The following DCAF1 variants were observed in gnomAD, a reference collection of about 807,000 sequenced individuals.
DCAF1 encodes DDB1 and CUL4 associated factor 1.
In DCAF1, 15 loss-of-function variants were observed where a neutral mutation model predicts 128.0. The ratio of observed to expected loss-of-function variants is 0.12; its 90% CI spans 0.08 to 0.18. The LOEUF is 0.18. Ranked by LOEUF, DCAF1 falls within the 10% of genes least tolerant of loss-of-function variation. The pLI, the probability that DCAF1 is intolerant of heterozygous loss-of-function variation, is 1.00. For missense variants in DCAF1, 988 were observed against 1,649.5 expected, an observed-to-expected ratio of 0.60 and a Z score of 6.95; for synonymous variants, 610 against 603.0, an observed-to-expected ratio of 1.01 and a Z score of -0.17.
At chr3:51,403,024 T>C in intron 24 of DCAF1, 119 bp downstream of exon 24, 2 of 1,449,932 alleles carry the variant, frequency 1.4e-6, no homozygotes, top group Non-Finnish European at 1.8e-6. Flanking sequence ...ACCAGAGTAG[T>C]GAATCAAATT....
At chr3:51,418,974 T>C (rs782128017) in intron 15 of DCAF1, 98 bp from the exon 16 acceptor site, 17 of 1,420,668 alleles carry the variant, frequency 1.2e-5, no homozygotes, top group Non-Finnish European at 1.6e-5. Context: ...ACATTAATGT[T>C]TCAAATGGCT....
intron 6 of DCAF1, among the ~76,000 whole-genome samples, chr3:51,459,150 T>C (rs1703260288): frequency 6.6e-6 from 1 of 151,946 alleles, no homozygotes; most frequent in South Asian, 2.1e-4. Context: ...TCAACAAAAT[T>C]GATAGACCGC....
chr3:51,398,666 TA>T lies in DCAF1; in HGVS notation c.*102del. The T allele has an allele frequency of 6.8e-7, 1 of 1,478,678 alleles. No individual in the cohort carries two copies. The highest frequency in any genetic ancestry group is 9.1e-7 in the Non-Finnish European group (1 of 1,096,694). The allele number at this position is 1,478,678 out of a possible 1,614,324, so 91.6% of individuals were successfully genotyped here. ...TCTGAATGCAGGGCATGCAGCTCCT[TA>T]AAAGACAGACAGCCCTGGGAGAAAG... is the stretch of plus-strand genomic sequence containing the variant. On this transcript the variant is annotated 3_prime_UTR_variant, in exon 25 of 25. Coordinates refer to ENST00000684031, the MANE Select transcript of DCAF1 (RefSeq NM_001387579.1).
intron 6 of DCAF1, among the ~76,000 whole-genome samples, chr3:51,454,049 A>G (rs1426384788): frequency 6.6e-6 from 1 of 151,962 alleles, no homozygotes; most frequent in Admixed American, 6.6e-5. Context: ...CTAAAACTTG[A>G]GCAACTAATT....
chr3:51,403,747 G>C (rs1342289404), intron 23 of DCAF1, among the ~76,000 whole-genome samples: 1 of 152,144 alleles, frequency 6.6e-6, no homozygotes, highest in African/African-American at 2.4e-5. Context: ...AATCAGCTGA[G>C]ACACTAGAAA....
chr3:51,460,142 G>C (rs540230393), intron 6 of DCAF1, among the ~76,000 whole-genome samples: 63 of 152,280 alleles, frequency 4.1e-4, no homozygotes, highest in Middle Eastern at 3.4e-3. Flanking sequence ...TGACATGATT[G>C]TATATCTAGA....
In DCAF1 at chr3:51,412,398, T is replaced by C. The variant is rs1553628721; in HGVS notation, c.4193A>G (p.Glu1398Gly). Residue 1398 changes from glutamate (E) to glycine (G), a missense_variant, in exon 23 of 25, where the codon GAG becomes GGG. Coordinates refer to ENST00000684031, the MANE Select transcript of DCAF1 (RefSeq NM_001387579.1). The stretch of plus-strand genomic sequence containing the variant: ...ACTGACCTGGTCCTCCTCTTCATCC[T>C]CATCCTCTGCCAGACGCTGCCTGCC... ...EVGRQRLAED[E>G]DEEEDQEEEE... 2 of 1,613,922 alleles carry C rather than the reference T, an allele frequency of 1.2e-6. No homozygotes were observed. Among genetic ancestry groups the C allele is most frequent in the African/African-American group, 1.3e-5 (1 of 75,042 alleles).
intron 15 of DCAF1, among the ~76,000 whole-genome samples, chr3:51,419,324 G>A (rs972045915): frequency 1.3e-5 from 2 of 151,050 alleles, no homozygotes; most frequent in Non-Finnish European, 2.9e-5. Context: ...TAGCACCACT[G>A]TACTCCAGCC....
upstream of DCAF1, among the ~76,000 whole-genome samples, chr3:51,500,842 C>T (rs1285354824): frequency 6.4e-5 from 9 of 139,606 alleles, 1 homozygote; most frequent in South Asian, 4.4e-4. Context: ...GACAGGGTCT[C>T]GCTCTGTCAT....
chr3:51,422,694 C>T (rs1699513662), intron 13 of DCAF1, among the ~76,000 whole-genome samples: 1 of 152,192 alleles, frequency 6.6e-6, no homozygotes, highest in Admixed American at 6.5e-5. Flanking sequence ...TGAATCCTTT[C>T]ATCCTAGTGA....
chr3:51,413,432 T>A (rs376778557), intron 20 of DCAF1, 46 bp from the exon 21 acceptor site: 4 of 1,579,112 alleles, frequency 2.5e-6, no homozygotes, highest in East Asian at 4.5e-5. Flanking sequence ...ATCACAAACA[T>A]CCCCTCTTCA....
At chr3:51,498,674 T>C (rs1708510874) in intron 1 of DCAF1, among the ~76,000 whole-genome samples, 1 of 152,198 alleles carries the variant, frequency 6.6e-6, no homozygotes, top group African/African-American at 2.4e-5. Context: ...CAAAATGATT[T>C]CCCTACATTC....
At chr3:51,451,486 TAGATTTTAGGTC>T (rs1702346549) in intron 6 of DCAF1, among the ~76,000 whole-genome samples, 1 of 151,678 alleles carries the variant, frequency 6.6e-6, no homozygotes, top group African/African-American at 2.4e-5. Flanking sequence ...TAAAAATAAA[TAGATTTTAGGTC>T]AGGTGTAATC....
intron 10 of DCAF1, among the ~76,000 whole-genome samples, chr3:51,431,732 A>G (rs2107565198): frequency 6.6e-6 from 1 of 151,998 alleles, no homozygotes; most frequent in South Asian, 2.1e-4. Context: ...TGGGAGGAGT[A>G]CTTGAGTCCA....
At chr3:51,454,149 C>A (rs1213822435) in intron 6 of DCAF1, among the ~76,000 whole-genome samples, 6 of 152,128 alleles carry the variant, frequency 3.9e-5, no homozygotes, top group African/African-American at 1.2e-4. Context: ...TTGAAGCGAT[C>A]CTCCCGCCTC....
chr3:51,446,372 G>A (rs1283645869), intron 6 of DCAF1, among the ~76,000 whole-genome samples: 2 of 152,066 alleles, frequency 1.3e-5, no homozygotes, highest in African/African-American at 2.4e-5. Flanking sequence ...TAATGCTTTG[G>A]GAGACCAATG....
At chr3:51,452,017 A>G (rs1481003050) in intron 6 of DCAF1, among the ~76,000 whole-genome samples, 1 of 152,096 alleles carries the variant, frequency 6.6e-6, no homozygotes, top group Non-Finnish European at 1.5e-5. Flanking sequence ...ATGTTTCACA[A>G]AATTTGAAAA....
intron 1 of DCAF1, among the ~76,000 whole-genome samples, chr3:51,498,395 G>T (rs547240366): frequency 6.7e-6 from 1 of 148,638 alleles, no homozygotes; most frequent in African/African-American, 2.5e-5. Context: ...AAAAAAAAGA[G>T]TTATCACACC....
At chr3:51,402,485 T>C (rs2089780063) in intron 24 of DCAF1, among the ~76,000 whole-genome samples, 1 of 151,872 alleles carries the variant, frequency 6.6e-6, no homozygotes, top group Admixed American at 6.6e-5. Context: ...CAATCATTCA[T>C]TTACGGATTG....
Sources: gnomAD v4.1 joint callset for allele counts (sites outside exome capture counted in the v4.1 genomes callset) on GRCh38, gnomAD v4.1.1 for gene constraint, MANE v1.5 for transcripts, NCBI Gene and HGNC (gene_info 2026-07-23, HGNC 2026-07-21) for gene names.